Variants in RGS7 observed in about 807,000 individuals in gnomAD.
The protein encoded by RGS7 is regulator of G-protein signaling 7.
Under a neutral mutation model 81.1 loss-of-function variants are expected in RGS7, and 27 were observed. The observed-to-expected ratio is 0.33, with a 90% CI of 0.25 to 0.46. The LOEUF (loss-of-function observed/expected upper bound fraction) is 0.46. Ranked by LOEUF, RGS7 falls within the 20% of genes least tolerant of loss-of-function variation. RGS7 has a pLI of 1.00. For missense variants in RGS7, 396 were observed against 607.4 expected (o/e 0.65, Z 3.66); for synonymous variants, 208 against 207.7 (o/e 1.00, Z -0.01).
At chr1:241,055,202 A>G (rs2061420913) in intron 3 of RGS7, among the ~76,000 whole-genome samples, 4 of 152,182 alleles carry the variant, frequency 2.6e-5, no homozygotes, top group Admixed American at 2.6e-4. Context: ...TGTCCTTTCA[A>G]TTCGGACACT....
At chr1:241,122,285 C>T (rs1292262396) in intron 2 of RGS7, among the ~76,000 whole-genome samples, 1 of 152,148 alleles carries the variant, frequency 6.6e-6, no homozygotes, top group Admixed American at 6.5e-5. Flanking sequence ...AATCTGGATG[C>T]CTAGTGTGTA....
intron 2 of RGS7, among the ~76,000 whole-genome samples, chr1:241,245,579 T>C (rs56116650): frequency 0.11 from 16,239 of 150,662 alleles, 1,145 homozygotes; most frequent in East Asian, 0.33. Context: ...GAGGTCGAGG[T>C]GGGCAGATCA....
chr1:241,111,606 C>A lies in RGS7; in HGVS notation c.79-12844G>T, dbSNP rs561858668. Among the ~76,000 whole-genome samples, 12 of 149,782 alleles carry A rather than the reference C, an allele frequency of 8.0e-5. No homozygotes were observed. The East Asian group carries it at 1.9e-3, about 24-fold the overall frequency. Reference sequence around the variant, plus strand: ...GCCTGGACAACATAGCAAGACCCCCCCTCTCTACAAGTAAAAAAAAAAATG... The same window carrying A: ...GCCTGGACAACATAGCAAGACCCCCACTCTCTACAAGTAAAAAAAAAAATG... On this transcript the variant is annotated intron_variant, in intron 2 of 18. Coordinates refer to ENST00000440928, the MANE Select transcript of RGS7 (RefSeq NM_001364886.1).
chr1:241,310,401 TTGTGTGTCTGTGTGTGTGAGAGTGTA>T (rs1347668994), intron 2 of RGS7, among the ~76,000 whole-genome samples: 9 of 148,434 alleles, frequency 6.1e-5, no homozygotes, highest in African/African-American at 1.0e-4. Context: ...GTGAGTGTGT[TTGTGTGTCTGTGTGTGTGAGAGTGTA>T]TGTGTGTCTG....
chr1:241,106,489 G>A (rs1463300200), intron 2 of RGS7, among the ~76,000 whole-genome samples: 1 of 151,988 alleles, frequency 6.6e-6, no homozygotes, highest in Admixed American at 6.6e-5. Flanking sequence ...CGAGGCCAAC[G>A]GATCACCTGA....
At chr1:241,228,479 T>C (rs545774022) in intron 2 of RGS7, among the ~76,000 whole-genome samples, 1 of 152,304 alleles carries the variant, frequency 6.6e-6, no homozygotes, top group Non-Finnish European at 1.5e-5. Context: ...AAGACTACTA[T>C]GGGCATTGAG....
intron 2 of RGS7, among the ~76,000 whole-genome samples, chr1:241,280,661 C>T (rs535389244): frequency 6.6e-6 from 1 of 152,148 alleles, no homozygotes; most frequent in Non-Finnish European, 1.5e-5. Flanking sequence ...CCATGCTCGG[C>T]TATTTTTGTT....
At chr1:241,290,343 A>C (rs941828636) in intron 2 of RGS7, among the ~76,000 whole-genome samples, 1 of 152,228 alleles carries the variant, frequency 6.6e-6, no homozygotes, top group Non-Finnish European at 1.5e-5. Flanking sequence ...ACTAGCTAAC[A>C]GATTGAATTT....
At position 240,776,031 on chromosome 1, in the gene RGS7, C is replaced by A; in HGVS notation, c.*189G>T. ...GAGTCCATTGGAGATGGAATGTACACACAAAAATAACAATTTAGGTCCTTT... is the reference window on the plus strand; with the variant it reads ...GAGTCCATTGGAGATGGAATGTACAAACAAAAATAACAATTTAGGTCCTTT... On this transcript the variant is annotated 3_prime_UTR_variant, in exon 19 of 19. Coordinates refer to ENST00000440928, the MANE Select transcript of RGS7 (RefSeq NM_001364886.1). The A allele has an allele frequency of 1.3e-6, 1 of 765,222 alleles. No homozygotes were observed. The highest frequency in any genetic ancestry group is 2.4e-6 in the Non-Finnish European group (1 of 416,500). The allele number at this position is 765,222 out of a possible 1,614,324, so 47.4% of individuals were successfully genotyped here. A position where few individuals can be genotyped will look rare whatever the true frequency, so the allele number is the denominator to read the frequency against.
intron 5 of RGS7, 49 bp from the exon 6 acceptor site, chr1:240,930,817 G>A (rs1178002701): frequency 5.8e-6 from 9 of 1,563,058 alleles, no homozygotes; most frequent in Non-Finnish European, 7.9e-6. Context: ...TAAAAAATTA[G>A]TGGAGTTTCT....
At chr1:241,160,465 C>G (rs189886489) in intron 2 of RGS7, among the ~76,000 whole-genome samples, 37 of 151,380 alleles carry the variant, frequency 2.4e-4, no homozygotes, top group African/African-American at 7.6e-4. Context: ...GGACTCATCC[C>G]CTGAACGGTG....
chr1:241,241,691 G>A (rs1317736471), intron 2 of RGS7, among the ~76,000 whole-genome samples: 1 of 151,990 alleles, frequency 6.6e-6, no homozygotes, highest in African/African-American at 2.4e-5. Context: ...GGGAGATCCC[G>A]ACACTCCCAA....
At chr1:241,284,865 T>TG (rs1332783881) in intron 2 of RGS7, among the ~76,000 whole-genome samples, 3 of 151,826 alleles carry the variant, frequency 2.0e-5, no homozygotes, top group African/African-American at 4.8e-5. Context: ...CTTTGTTTTT[T>TG]TTTGTTTGTT....
chr1:241,030,255 G>A (rs1401731276), intron 3 of RGS7, among the ~76,000 whole-genome samples: 1 of 151,460 alleles, frequency 6.6e-6, no homozygotes, highest in Non-Finnish European at 1.5e-5. Context: ...GTGGGCTGTT[G>A]AGATACAATA....
At chr1:241,029,290 C>A (rs1161334386) in intron 3 of RGS7, among the ~76,000 whole-genome samples, 1 of 152,110 alleles carries the variant, frequency 6.6e-6, no homozygotes. Context: ...GGCACAGCCA[C>A]CAATACTTAT....
intron 2 of RGS7, among the ~76,000 whole-genome samples, chr1:241,345,374 T>C (rs1160913302): frequency 6.6e-6 from 1 of 152,142 alleles, no homozygotes; most frequent in Non-Finnish European, 1.5e-5. Flanking sequence ...CCTGCACATG[T>C]ACCCCAGAAC....
At chr1:241,031,654 T>C (rs557352681) in intron 3 of RGS7, among the ~76,000 whole-genome samples, 1 of 152,366 alleles carries the variant, frequency 6.6e-6, no homozygotes, top group South Asian at 2.1e-4. Context: ...TTTTGACTTT[T>C]TATAATAGCC....
intron 3 of RGS7, among the ~76,000 whole-genome samples, chr1:241,026,101 T>C (rs1395724167): frequency 6.6e-6 from 1 of 152,194 alleles, no homozygotes; most frequent in Non-Finnish European, 1.5e-5. Context: ...GAGCAATTAT[T>C]TATTTAGTGC....
intron 18 of RGS7, among the ~76,000 whole-genome samples, chr1:240,793,802 C>T (rs1572110686): frequency 6.6e-6 from 1 of 150,980 alleles, no homozygotes; most frequent in South Asian, 2.1e-4. Flanking sequence ...TTAGTAGAGA[C>T]GGGGTTTCAC....
Sources: allele counts gnomAD v4.1 joint callset (sites outside exome capture counted in the v4.1 genomes callset), GRCh38; gene constraint gnomAD v4.1.1; transcripts MANE v1.5; gene names NCBI Gene and HGNC (gene_info 2026-07-23, HGNC 2026-07-21).